The following DNAH10 variants were observed in gnomAD, a reference collection of about 807,000 sequenced individuals.
DNAH10 encodes the protein axonemal beta dynein heavy chain 10.
DNAH10 carries 348 observed loss-of-function variants against 506.6 expected under a neutral mutation model. The ratio of observed to expected loss-of-function variants is 0.69; its 90% CI spans 0.63 to 0.75. The LOEUF (loss-of-function observed/expected upper bound fraction) is 0.75. Among genes scored for constraint, DNAH10 ranks in the 30% least tolerant of loss-of-function variants. The pLI is 0.00. For missense variants in DNAH10, 5,179 were observed against 5,787.1 expected (o/e 0.89, Z 3.41); for synonymous variants, 2,059 against 2,198.6 (o/e 0.94, Z 1.78).
intron 2 of DNAH10, among the ~76,000 whole-genome samples, chr12:123,771,044 A>G (rs1024027225): frequency 2.2e-5 from 3 of 137,790 alleles, no homozygotes; most frequent in African/African-American, 8.6e-5. Flanking sequence ...ATCTTGGCTC[A>G]TTGCAACCTC....
chr12:123,797,386 TTTTC>T (rs893438843), intron 13 of DNAH10, among the ~76,000 whole-genome samples: 1 of 144,794 alleles, frequency 6.9e-6, no homozygotes, highest in Non-Finnish European at 1.5e-5. Context: ...CTTCTTTTTC[TTTTC>T]TTTTTCTTTT....
Position 123,928,906 on chromosome 12 carries a change from T to C in DNAH10, c.12306+319T>C. 2.2e-6 allele frequency: 1 copy of C among 445,620 alleles called. No individual in the cohort carries two copies. The highest frequency in any genetic ancestry group is 4.0e-6 in the Non-Finnish European group (1 of 251,616). The allele number at this position is 445,620 out of a possible 1,614,324, so 27.6% of individuals were successfully genotyped here. A position where few individuals can be genotyped will look rare whatever the true frequency, so the allele number is the denominator to read the frequency against. On this transcript the variant is annotated intron_variant, in intron 70 of 78. Transcript: ENST00000673944. This position sits in a 1 kb window ranked among gnomAD's most constrained non-coding sequence, Gnocchi z 4.9. ...AGTTCGCTAGTGCTGACTGCAGGAG[T>C]TTCGCGTGGTTTACATGCCCCATTT...
At position 123,854,064 on chromosome 12, in the gene DNAH10, T is replaced by G. The variant is rs1185419346; in HGVS notation, c.6438+712T>G. ...TTCATTCTTTTGGGATTTTCACACA[T>G]TTGGGTTTTTTTTTTTTTTTTTTTT... On this transcript the variant is annotated intron_variant, in intron 36 of 78. Transcript: ENST00000673944. Among the ~76,000 whole-genome samples the G allele has an allele frequency of 2.1e-5, 3 of 140,900 alleles. No individual in the cohort carries two copies. The East Asian group carries it at 6.0e-4, about 28-fold the overall frequency. The allele number at this position is 140,900 out of a possible 152,430, so 92.4% of individuals were successfully genotyped here.
chr12:123,776,841 T>C (rs1957459784), intron 5 of DNAH10, among the ~76,000 whole-genome samples: 1 of 152,018 alleles, frequency 6.6e-6, no homozygotes, highest in African/African-American at 2.4e-5. Context: ...TGAGACAAGG[T>C]CTCTGCCTCG....
At chr12:123,832,077 AAC>A (rs755829958) in intron 26 of DNAH10, among the ~76,000 whole-genome samples, 2 of 152,300 alleles carry the variant, frequency 1.3e-5, no homozygotes, top group Non-Finnish European at 2.9e-5. Flanking sequence ...TATGCATGCA[AAC>A]ACACAAAATA....
At chr12:123,896,158 G>C (rs1175778553) in intron 54 of DNAH10, among the ~76,000 whole-genome samples, 4,697 of 109,478 alleles carry the variant, frequency 0.043, 143 homozygotes, top group African/African-American at 0.097. Context: ...CAGAGAGAGA[G>C]AGAGAGAGAG....
intron 39 of DNAH10, among the ~76,000 whole-genome samples, chr12:123,862,669 G>A (rs1951657808): frequency 6.6e-6 from 1 of 152,188 alleles, no homozygotes; most frequent in Non-Finnish European, 1.5e-5. Flanking sequence ...GAGATTACAG[G>A]TGTGAGCCAC....
Position 123,851,085 on chromosome 12 carries a change from C to T in DNAH10, c.6291+9C>T. 2.5e-6 allele frequency: 4 copies of T among 1,590,234 alleles called. No homozygotes were observed. The highest frequency in any genetic ancestry group is 3.4e-6 in the Non-Finnish European group (4 of 1,165,728). ...GCTTCCTGGAGGCCAAGGTGGGGGG[C>T]CTTGGCAGCGCCAGGTCGTGCAGTG... On this transcript the variant is annotated intron_variant, in intron 35 of 78. Transcript: ENST00000673944.
Position 123,813,585 on chromosome 12 carries a change from A to G in DNAH10, c.3566A>G (p.Lys1189Arg), listed in dbSNP as rs1414026169. 1.2e-6 allele frequency: 2 copies of G among 1,614,190 alleles called. No individual in the cohort carries two copies. Among genetic ancestry groups the G allele is most frequent in the East Asian group, 2.2e-5 (1 of 44,882 alleles). Residue 1189 changes from lysine to arginine, a missense_variant, in exon 20 of 79, where the codon AAA becomes AGA. By Grantham distance (26) the Lys-to-Arg change is conservative (BLOSUM62 2). This residue lies in a region of DNAH10 where 4,844 missense variants were observed against 5,430.5 expected (regional missense o/e 0.89). Coordinates refer to ENST00000673944, the MANE Select transcript of DNAH10 (RefSeq NM_001372106.1). Reference sequence around the variant, plus strand: ...AAGTCCTGGGTGATTTCGCTTGGAAAACTTCTCAATGAGTCAGCAAAAGAG... The same window carrying G: ...AAGTCCTGGGTGATTTCGCTTGGAAGACTTCTCAATGAGTCAGCAAAAGAG... ...NAKSWVISLG[K>R]LLNESAKEEL...
chr12:123,788,662 T>C (rs1211321367), intron 10 of DNAH10, among the ~76,000 whole-genome samples: 7 of 152,158 alleles, frequency 4.6e-5, no homozygotes, highest in Non-Finnish European at 1.0e-4. Context: ...GCATGATGGC[T>C]CACACCTGTA....
rs1958019768 is a variant in DNAH10 at position 123,790,016 on chromosome 12, G to A, written c.1710G>A (p.Val570=). 1.2e-6 allele frequency: 2 copies of A among 1,614,034 alleles called. No individual in the cohort carries two copies. The highest frequency in any genetic ancestry group is 1.3e-5 in the African/African-American group (1 of 74,900). Residue 570 remains valine (V), a synonymous_variant, in exon 11 of 79, where the codon GTG becomes GTA. Transcript: ENST00000673944. The part of the protein sequence containing the change: ...PKRIDDVLCR[V]DGLVTPMENL... Reference sequence around the variant, plus strand: ...GCATTGATGATGTCCTATGCAGAGTGGACGGCCTAGTCACCCCCATGGAAA... The same window carrying A: ...GCATTGATGATGTCCTATGCAGAGTAGACGGCCTAGTCACCCCCATGGAAA...
chr12:123,920,941 T>TA (rs1172781883), intron 65 of DNAH10, among the ~76,000 whole-genome samples: 2 of 152,034 alleles, frequency 1.3e-5, no homozygotes, highest in Non-Finnish European at 2.9e-5. Context: ...GGCTAATTTT[T>TA]AAAAAAAATT....
At position 123,929,439 on chromosome 12, in the gene DNAH10, G is replaced by T; in HGVS notation, c.12471G>T (p.Lys4157Asn). ...AVVQERRKFGKIGWNVYYDFN... is the reference protein window; with the variant it reads ...AVVQERRKFGNIGWNVYYDFN... The stretch of plus-strand genomic sequence containing the variant: ...TGCAGGAGAGAAGGAAGTTTGGGAA[G>T]ATTGGCTGGAACGTGTACTATGACT... Residue 4157 changes from lysine to asparagine, a missense_variant, in exon 71 of 79, where the codon AAG becomes AAT. Physicochemically the swap from Lys to Asn is moderately conservative, Grantham distance 94. This residue lies in a region of DNAH10 where 4,844 missense variants were observed against 5,430.5 expected (regional missense o/e 0.89). Transcript: ENST00000673944. 1 of 1,613,816 alleles carries T rather than the reference G, an allele frequency of 6.2e-7. No homozygotes were observed. Among genetic ancestry groups the T allele is most frequent in the Non-Finnish European group, 8.5e-7 (1 of 1,179,858 alleles).
At chr12:123,768,201 C>A (rs1053575182) in intron 2 of DNAH10, among the ~76,000 whole-genome samples, 5 of 152,014 alleles carry the variant, frequency 3.3e-5, no homozygotes, top group African/African-American at 1.2e-4. Context: ...ATGGCGTGAT[C>A]TCAGCTCACT....
chr12:123,924,264 T>C lies in DNAH10; in HGVS notation c.11612-14T>C. The C allele has an allele frequency of 6.2e-7, 1 of 1,601,400 alleles. No individual in the cohort carries two copies. Among genetic ancestry groups the C allele is most frequent in the Middle Eastern group, 1.7e-4 (1 of 6,020 alleles). On this transcript the variant is annotated splice_polypyrimidine_tract_variant and intron_variant, in intron 66 of 78. Coordinates refer to ENST00000673944, the MANE Select transcript of DNAH10 (RefSeq NM_001372106.1). ...TGGTACAATGGCTGCTTGCTTCTCT[T>C]CTGTTGTGATTAGGAAACATTTCCC...
chr12:123,770,822 C>A (rs1479723127), intron 2 of DNAH10, among the ~76,000 whole-genome samples: 1 of 152,098 alleles, frequency 6.6e-6, no homozygotes, highest in African/African-American at 2.4e-5. Flanking sequence ...AGGGCTCAGA[C>A]TTGGTGTCTG....
chr12:123,805,118 G>C (rs1224319725), intron 18 of DNAH10, 78 bp downstream of exon 18: 3 of 1,446,280 alleles, frequency 2.1e-6, no homozygotes, highest in Non-Finnish European at 2.8e-6. Context: ...GTTAGAGGGG[G>C]TGGCAAGGTA....
In DNAH10 at chr12:123,800,192, G is replaced by A. The variant is rs367921949; in HGVS notation, c.2290-24G>A. ...CTGTCTCTTGGACTGCCCTGGCCGCGCTGATGGAATGTCTCTTCCACAGTC... is the reference window on the plus strand; with the variant it reads ...CTGTCTCTTGGACTGCCCTGGCCGCACTGATGGAATGTCTCTTCCACAGTC... On this transcript the variant is annotated intron_variant, in intron 14 of 78. Coordinates refer to ENST00000673944, the MANE Select transcript of DNAH10 (RefSeq NM_001372106.1). 656 of 1,609,984 alleles carry A rather than the reference G, an allele frequency of 4.1e-4. 2 individuals are homozygous for A. Among genetic ancestry groups the A allele is most frequent in the African/African-American group, 3.3e-3 (245 of 74,876 alleles).
In DNAH10 at chr12:123,933,499, C is replaced by A. The variant is rs1285891478; in HGVS notation, c.13465C>A (p.Arg4489=). The A allele has an allele frequency of 1.2e-6, 2 of 1,602,608 alleles. No individual in the cohort carries two copies. Among genetic ancestry groups the A allele is most frequent in the African/African-American group, 2.7e-5 (2 of 74,568 alleles). Residue 4489 remains arginine, a synonymous_variant, in exon 77 of 79, where the codon CGG becomes AGG. Coordinates refer to ENST00000673944, the MANE Select transcript of DNAH10 (RefSeq NM_001372106.1). ...KFQDADEVNE[R]AGQGCFVSGL... is the part of the protein sequence containing the mutation. ...CCAGGATGCAGATGAAGTGAATGAG[C>A]GGGCGGGACAAGGTACCGTCAGCTC...
Sources: gnomAD v4.1 joint callset for allele counts (sites outside exome capture counted in the v4.1 genomes callset) on GRCh38, gnomAD v4.1.1 for gene constraint, gnomAD v4.1.1 regional missense constraint, Gnocchi (gnomAD v3.1) non-coding constraint, MANE v1.5 for transcripts, NCBI Gene and HGNC (gene_info 2026-07-23, HGNC 2026-07-21) for gene names.